Variants in LRRFIP1 observed in about 807,000 individuals in gnomAD.
LRRFIP1 encodes the protein LRR binding FLII interacting protein 1.
A neutral mutation model predicts 104.4 loss-of-function variants in LRRFIP1; 62 were observed. That is an observed-to-expected ratio of 0.59 (90% CI 0.48 to 0.73). The LOEUF (loss-of-function observed/expected upper bound fraction) is 0.73, where lower values mean the gene tolerates loss of function less well. Among genes scored for constraint, LRRFIP1 ranks in the 30% least tolerant of loss-of-function variants. The pLI is 0.00. For synonymous variants in LRRFIP1, 300 were observed against 299.0 expected (o/e 1.00, Z -0.03); for missense variants, 796 against 824.5 (o/e 0.97, Z 0.42).
At chr2:237,729,319 G>A (rs1208123180) in intron 8 of LRRFIP1, among the ~76,000 whole-genome samples, 1 of 152,256 alleles carries the variant, frequency 6.6e-6, no homozygotes, top group East Asian at 1.9e-4. Context: ...CAGTGGACGG[G>A]TGGCAGCAGG....
At chr2:237,654,257 A>G (rs544627798) in intron 1 of LRRFIP1, among the ~76,000 whole-genome samples, 1 of 152,354 alleles carries the variant, frequency 6.6e-6, no homozygotes, top group African/African-American at 2.4e-5. Flanking sequence ...ACGTGAAAAA[A>G]AAATGCTTGA....
At chr2:237,744,974 C>T (rs183054758) in intron 11 of LRRFIP1, among the ~76,000 whole-genome samples, 1 of 152,368 alleles carries the variant, frequency 6.6e-6, no homozygotes, top group African/African-American at 2.4e-5. Flanking sequence ...GCCCCCACAC[C>T]ATGCCATGCA....
In LRRFIP1 at chr2:237,723,547, G is replaced by A. The variant is rs2094610746; in HGVS notation, c.346-1G>A. ...TTTTTCTGCCATCTTTCTTCTGACA[G>A]TCGCAGCCTGACTTGGAGTATGGGG... On this transcript the variant is annotated splice_acceptor_variant, in intron 6 of 23. Coordinates refer to ENST00000308482, the MANE Select transcript of LRRFIP1 (RefSeq NM_001137550.2). LOFTEE classifies it high-confidence loss of function. 1 of 1,613,442 alleles carries A rather than the reference G, an allele frequency of 6.2e-7. No homozygotes were observed. The highest frequency in any genetic ancestry group is 2.2e-5 in the East Asian group (1 of 44,868).
rs750465181 is a variant in LRRFIP1, at chr2:237,735,905, G to A, written c.555+572G>A. The stretch of plus-strand genomic sequence containing the variant: ...ATGGAACCCGTGGAAGTGGGGAGAC[G>A]AATTTGCGTGTCCCAGGGACCTGTG... On this transcript the variant is annotated intron_variant, in intron 10 of 23. Transcript: ENST00000308482. The surrounding 1 kb of genome is among the most constrained non-coding windows in gnomAD (Gnocchi z 4.6). Among the ~76,000 whole-genome samples the A allele has an allele frequency of 2.6e-5, 4 of 152,176 alleles. No homozygotes were observed. The highest frequency in any genetic ancestry group is 7.2e-5 in the African/African-American group (3 of 41,444).
chr2:237,771,238 G>T (rs370576514), intron 20 of LRRFIP1, among the ~76,000 whole-genome samples: 1 of 150,856 alleles, frequency 6.6e-6, no homozygotes, highest in Admixed American at 6.6e-5. Flanking sequence ...CCAACTATAC[G>T]GTCAGCCCTC....
intron 1 of LRRFIP1, among the ~76,000 whole-genome samples, chr2:237,658,161 T>G (rs2087167093): frequency 6.6e-6 from 1 of 152,170 alleles, no homozygotes; most frequent in Non-Finnish European, 1.5e-5. Context: ...AATAACCAGT[T>G]AGAAGACAGA....
At chr2:237,704,685 G>A (rs940179014) in intron 1 of LRRFIP1, among the ~76,000 whole-genome samples, 5 of 152,204 alleles carry the variant, frequency 3.3e-5, no homozygotes, top group Admixed American at 1.3e-4. Context: ...AGTCATGTGA[G>A]GATCGTAAGG....
At chr2:237,668,861 G>A (rs2089929817) in intron 1 of LRRFIP1, among the ~76,000 whole-genome samples, 1 of 152,120 alleles carries the variant, frequency 6.6e-6, no homozygotes, top group Admixed American at 6.5e-5. Context: ...TCAGGCAATA[G>A]TAGAAAATAA....
At chr2:237,768,396 AAACAAT>A (rs1172557578) in intron 19 of LRRFIP1, 1 of 152,254 alleles carries the variant, frequency 6.6e-6, no homozygotes, top group Non-Finnish European at 1.5e-5. Context: ...TTCTAGAAGA[AAACAAT>A]AACAATTGTA....
In LRRFIP1 at chr2:237,720,825, C is replaced by A; in HGVS notation, c.345+3C>A. On this transcript the variant is annotated splice_donor_region_variant and intron_variant, in intron 6 of 23. Transcript: ENST00000308482. ...TGGGTAGTCGTGGAAGCCTGAGGGT[C>A]AGTAACCAGAATGATGGAGTTTGCA... 1 of 1,613,796 alleles carries A rather than the reference C, an allele frequency of 6.2e-7. No homozygotes were observed. The highest frequency in any genetic ancestry group is 1.1e-5 in the South Asian group (1 of 91,068).
At chr2:237,687,091 C>A (rs2092425837) in intron 1 of LRRFIP1, among the ~76,000 whole-genome samples, 2 of 152,246 alleles carry the variant, frequency 1.3e-5, no homozygotes, top group African/African-American at 4.8e-5. Flanking sequence ...AGGCGGCGTG[C>A]CGCTGGTGCA....
At chr2:237,685,497 G>T (rs2092299600) in intron 1 of LRRFIP1, among the ~76,000 whole-genome samples, 1 of 152,070 alleles carries the variant, frequency 6.6e-6, no homozygotes, top group African/African-American at 2.4e-5. Context: ...TCAATATTGG[G>T]TCCTCCTGCT....
At chr2:237,694,329 G>T (rs996352194) in intron 1 of LRRFIP1, among the ~76,000 whole-genome samples, 2 of 152,186 alleles carry the variant, frequency 1.3e-5, no homozygotes, top group Non-Finnish European at 2.9e-5. Context: ...GAACCTGTAG[G>T]AGCTTTTCTT....
intron 1 of LRRFIP1, among the ~76,000 whole-genome samples, chr2:237,701,919 C>T (rs952880424): frequency 1.3e-5 from 2 of 152,208 alleles, no homozygotes; most frequent in African/African-American, 4.8e-5. Context: ...CGCATGGGTC[C>T]ATGCAGCCCA....
intron 2 of LRRFIP1, 114 bp from the exon 3 acceptor site, chr2:237,714,145 G>A (rs1390096817): frequency 6.2e-6 from 4 of 642,768 alleles, no homozygotes; most frequent in Non-Finnish European, 1.1e-5. Flanking sequence ...ACATTTTACT[G>A]TATTCGTTGT....
chr2:237,695,257 G>A (rs999034939), intron 1 of LRRFIP1, among the ~76,000 whole-genome samples: 1 of 152,176 alleles, frequency 6.6e-6, no homozygotes, highest in African/African-American at 2.4e-5. Context: ...TGTTCAGCCT[G>A]AGTTAATATC....
chr2:237,647,467 A>C (rs1016755557), intron 1 of LRRFIP1, among the ~76,000 whole-genome samples: 3 of 152,046 alleles, frequency 2.0e-5, no homozygotes, highest in African/African-American at 7.2e-5. Flanking sequence ...GAGCCCACCC[A>C]CTGGTGCAGG....
intron 23 of LRRFIP1, among the ~76,000 whole-genome samples, chr2:237,778,376 C>T (rs1297973928): frequency 6.6e-6 from 1 of 152,200 alleles, no homozygotes; most frequent in African/African-American, 2.4e-5. Context: ...CAGCTTAGGG[C>T]ACCCCACTCT....
At chr2:237,699,587 G>A (rs1425724786) in intron 1 of LRRFIP1, among the ~76,000 whole-genome samples, 2 of 152,168 alleles carry the variant, frequency 1.3e-5, no homozygotes, top group Non-Finnish European at 2.9e-5. Flanking sequence ...CCTGACCTCA[G>A]ATGATCCGCC....
Sources: allele counts gnomAD v4.1 joint callset (sites outside exome capture counted in the v4.1 genomes callset), GRCh38; gene constraint gnomAD v4.1.1; non-coding constraint Gnocchi (gnomAD v3.1); transcripts MANE v1.5; gene names NCBI Gene and HGNC (gene_info 2026-07-23, HGNC 2026-07-21).